Variants in ZFYVE9 observed in about 807,000 individuals in gnomAD.
ZFYVE9 encodes the protein zinc finger FYVE domain-containing protein 9.
In ZFYVE9, 43 loss-of-function variants were observed where a neutral mutation model predicts 126.7. That is an observed-to-expected ratio of 0.34 (90% CI 0.27 to 0.44). The LOEUF (loss-of-function observed/expected upper bound fraction) is 0.44, where lower values mean the gene tolerates loss of function less well. Ranked by LOEUF, ZFYVE9 falls within the 20% of genes least tolerant of loss-of-function variation. The probability of loss-of-function intolerance (pLI) is 1.00; values close to 1 mark genes in which losing one functional copy is unlikely to be tolerated. For synonymous variants in ZFYVE9, 521 were observed against 597.4 expected, an observed-to-expected ratio of 0.87 and a Z score of 1.87; for missense variants, 1,476 against 1,697.0, an observed-to-expected ratio of 0.87 and a Z score of 2.29.
chr1:52,166,606 C>T (rs1030033481), intron 1 of ZFYVE9, among the ~76,000 whole-genome samples: 12 of 152,002 alleles, frequency 7.9e-5, no homozygotes, highest in African/African-American at 2.7e-4. Flanking sequence ...ACTAATTCTA[C>T]CCTGATGATT....
intron 7 of ZFYVE9, among the ~76,000 whole-genome samples, chr1:52,271,318 C>T (rs1229175856): frequency 2.0e-5 from 3 of 152,146 alleles, no homozygotes; most frequent in African/African-American, 7.2e-5. Context: ...TGAGAGAAAG[C>T]AAACTCTTTA....
intron 8 of ZFYVE9, among the ~76,000 whole-genome samples, chr1:52,277,868 C>G (rs1645763334): frequency 6.6e-6 from 1 of 152,148 alleles, no homozygotes; most frequent in South Asian, 2.1e-4. Flanking sequence ...TGTTCATGTT[C>G]AGAATCTTAT....
chr1:52,153,370 T>C (rs1239406402), intron 1 of ZFYVE9, among the ~76,000 whole-genome samples: 1 of 152,180 alleles, frequency 6.6e-6, no homozygotes, highest in African/African-American at 2.4e-5. Flanking sequence ...TCTAGAGCCA[T>C]CTCCACTATG....
intron 1 of ZFYVE9, among the ~76,000 whole-genome samples, chr1:52,159,693 T>C (rs920177796): frequency 2.6e-5 from 4 of 152,220 alleles, no homozygotes; most frequent in African/African-American, 9.6e-5. Context: ...TAGAAGCTTA[T>C]TGGAAAGTTA....
chr1:52,220,285 G>A (rs985275701), intron 2 of ZFYVE9, among the ~76,000 whole-genome samples: 2 of 152,168 alleles, frequency 1.3e-5, no homozygotes, highest in Non-Finnish European at 2.9e-5. Flanking sequence ...CCTTAATGAT[G>A]TGTGCAGTGA....
chr1:52,276,418 C>G (rs763235717), intron 8 of ZFYVE9, among the ~76,000 whole-genome samples: 2 of 152,132 alleles, frequency 1.3e-5, no homozygotes, highest in Non-Finnish European at 2.9e-5. Context: ...CTTTTAATGC[C>G]AGTACCGTTC....
intron 13 of ZFYVE9, among the ~76,000 whole-genome samples, chr1:52,324,094 A>T (rs915988261): frequency 6.6e-6 from 1 of 151,852 alleles, no homozygotes; most frequent in African/African-American, 2.4e-5. Context: ...AACAAATGAA[A>T]ATAAAGATAG....
chr1:52,259,608 C>A (rs146044303), intron 4 of ZFYVE9, among the ~76,000 whole-genome samples: 2 of 141,540 alleles, frequency 1.4e-5, no homozygotes, highest in Non-Finnish European at 3.0e-5. Context: ...GCCAACATGG[C>A]GAAACCCTGT....
At chr1:52,323,090 C>T (rs965542744) in intron 13 of ZFYVE9, among the ~76,000 whole-genome samples, 1 of 152,242 alleles carries the variant, frequency 6.6e-6, no homozygotes, top group African/African-American at 2.4e-5. Flanking sequence ...AGGTGTGAGC[C>T]ACCACGCCCG....
At chr1:52,216,764 T>C (rs573000355) in intron 2 of ZFYVE9, among the ~76,000 whole-genome samples, 1 of 152,348 alleles carries the variant, frequency 6.6e-6, no homozygotes, top group South Asian at 2.1e-4. Context: ...AGAAAAAATA[T>C]GGATTTGAGC....
intron 13 of ZFYVE9, among the ~76,000 whole-genome samples, chr1:52,329,828 C>T (rs76229735): frequency 1.3e-5 from 2 of 152,048 alleles, no homozygotes; most frequent in Non-Finnish European, 1.5e-5. Context: ...TGGCGTGAAC[C>T]TGGGAGGTGG....
chr1:52,212,332 A>G (rs983490134), intron 1 of ZFYVE9, among the ~76,000 whole-genome samples: 8 of 152,022 alleles, frequency 5.3e-5, no homozygotes, highest in African/African-American at 2.4e-5. Context: ...TTTAGTAGAG[A>G]TGGGGCCTTG....
intron 1 of ZFYVE9, among the ~76,000 whole-genome samples, chr1:52,203,365 TAG>T (rs1407893522): frequency 2.6e-5 from 4 of 151,848 alleles, no homozygotes; most frequent in African/African-American, 9.7e-5. Flanking sequence ...GTATTTTTAG[TAG>T]AGACGGGGTT....
In ZFYVE9 at chr1:52,239,399, G is replaced by T; in HGVS notation, c.1982G>T (p.Cys661Phe). 1 of 1,614,166 alleles carries T rather than the reference G, an allele frequency of 6.2e-7. No individual in the cohort carries two copies. Among genetic ancestry groups the T allele is most frequent in the Non-Finnish European group, 8.5e-7 (1 of 1,180,020 alleles). Residue 661 changes from cysteine (C) to phenylalanine (F), a missense_variant, in exon 4 of 19, where the codon TGC (cysteine) becomes TTC (phenylalanine). Cys to Phe is a radical substitution (Grantham distance 205, BLOSUM62 -2). This residue lies in a region of ZFYVE9 where 807 missense variants were observed against 794.6 expected (regional missense o/e 1.02). Transcript: ENST00000287727. The stretch of plus-strand genomic sequence containing the variant: ...GAGGCTGAGATCTCCACTAGACCAT[G>T]CCTTGCATTAGCTCCAGATAGCCCA... ...SYEAEISTRP[C>F]LALAPDSPDN...
chr1:52,216,555 A>C, intron 2 of ZFYVE9, 81 bp downstream of exon 2: 1 of 397,584 alleles, frequency 2.5e-6, no homozygotes, highest in Non-Finnish European at 4.4e-6. Flanking sequence ...TGATGCATAT[A>C]TGTTACTTGC....
chr1:52,205,861 G>A (rs1644973663), intron 1 of ZFYVE9, among the ~76,000 whole-genome samples: 1 of 152,058 alleles, frequency 6.6e-6, no homozygotes, highest in African/African-American at 2.4e-5. Flanking sequence ...CTGTTAGATT[G>A]CCACCTAGAA....
intron 1 of ZFYVE9, among the ~76,000 whole-genome samples, chr1:52,216,037 A>G (rs1255224642): frequency 3.9e-5 from 6 of 152,222 alleles, no homozygotes; most frequent in African/African-American, 1.4e-4. Flanking sequence ...TGGAGGGCCT[A>G]TTATAAGGCA....
At chr1:52,270,140 G>A (rs1645675060) in intron 7 of ZFYVE9, among the ~76,000 whole-genome samples, 1 of 151,934 alleles carries the variant, frequency 6.6e-6, no homozygotes, top group Non-Finnish European at 1.5e-5. Flanking sequence ...AGTTCAGCTT[G>A]TGTACCCTAA....
At position 52,242,031 on chromosome 1, in the gene ZFYVE9, CTTTTTTTT is replaced by C. The variant is rs975430437; in HGVS notation, c.2178+2452_2178+2459del. Among the ~76,000 whole-genome samples, 557 of 106,446 alleles carry C rather than the reference CTTTTTTTT, an allele frequency of 5.2e-3. 10 individuals carry two copies. Among genetic ancestry groups the C allele is most frequent in the Non-Finnish European group, 4.5e-3 (245 of 54,484 alleles). 69.8% of individuals were successfully genotyped at this position (106,446 alleles called of 152,430 possible). The stretch of plus-strand genomic sequence containing the variant: ...TTGGAATTTATGATGTCATGGCAAT[CTTTTTTTT>C]TTTTTTTTTTTTTTTGAGACAGAGT... On this transcript the variant is annotated intron_variant, in intron 4 of 18. Transcript: ENST00000287727.
Sources: gnomAD v4.1 joint callset for allele counts (sites outside exome capture counted in the v4.1 genomes callset) on GRCh38, gnomAD v4.1.1 for gene constraint, gnomAD v4.1.1 regional missense constraint, MANE v1.5 for transcripts, NCBI Gene and HGNC (gene_info 2026-07-23, HGNC 2026-07-21) for gene names.